The following ULK4 variants were observed in gnomAD, a reference collection of about 807,000 sequenced individuals.
The protein encoded by ULK4 is inactive serine/threonine-protein kinase ULK4.
In ULK4, 133 loss-of-function variants were observed where a neutral mutation model predicts 160.6. That is an observed-to-expected ratio of 0.83 (90% CI 0.72 to 0.96). The LOEUF (loss-of-function observed/expected upper bound fraction) is 0.96. ULK4 is among the 40% of genes least tolerant of loss of function. ULK4 has a pLI of 0.00. For missense variants in ULK4, 1,580 were observed against 1,499.5 expected, an observed-to-expected ratio of 1.05 and a Z score of -0.89; for synonymous variants, 534 against 539.8, an observed-to-expected ratio of 0.99 and a Z score of 0.15.
intron 29 of ULK4, among the ~76,000 whole-genome samples, chr3:41,675,329 C>T (rs568925778): frequency 6.6e-6 from 1 of 151,928 alleles, no homozygotes; most frequent in African/African-American, 2.4e-5. Flanking sequence ...GTGGTTCACA[C>T]CTATAATCCC....
chr3:41,382,291 T>G (rs1253204259), intron 35 of ULK4, among the ~76,000 whole-genome samples: 1 of 152,188 alleles, frequency 6.6e-6, no homozygotes, highest in Non-Finnish European at 1.5e-5. Flanking sequence ...GAACCATGTG[T>G]GCCACAGAGC....
intron 17 of ULK4, among the ~76,000 whole-genome samples, chr3:41,849,665 C>T (rs781476655): frequency 9.9e-5 from 15 of 152,074 alleles, no homozygotes; most frequent in Non-Finnish European, 1.9e-4. Context: ...AATAATGTGT[C>T]AATGTAGGTT....
chr3:41,462,120 A>G (rs974833460), intron 33 of ULK4, among the ~76,000 whole-genome samples: 1 of 152,172 alleles, frequency 6.6e-6, no homozygotes, highest in African/African-American at 2.4e-5. Flanking sequence ...GGGATCTTGG[A>G]TTTATTAAAT....
chr3:41,854,151 C>G (rs2042280306), intron 17 of ULK4: 1 of 152,164 alleles, frequency 6.6e-6, no homozygotes, highest in South Asian at 2.1e-4. Context: ...CAGTTAACAC[C>G]AACATGCCAT....
intron 32 of ULK4, among the ~76,000 whole-genome samples, chr3:41,540,779 T>C (rs1037745358): frequency 6.6e-6 from 1 of 152,174 alleles, no homozygotes; most frequent in Non-Finnish European, 1.5e-5. Flanking sequence ...TGCAGTTCTC[T>C]ATGACCAGTA....
chr3:41,305,762 C>T (rs1357268594), intron 35 of ULK4, among the ~76,000 whole-genome samples: 1 of 133,308 alleles, frequency 7.5e-6, no homozygotes, highest in Non-Finnish European at 1.5e-5. Flanking sequence ...CGCCGTCCCA[C>T]CTAGGAAGTG....
At chr3:41,289,873 ATG>A (rs1179930172) in intron 35 of ULK4, among the ~76,000 whole-genome samples, 28 of 150,250 alleles carry the variant, frequency 1.9e-4, no homozygotes, top group Admixed American at 2.6e-4. Context: ...GTATGTATGT[ATG>A]TGTGTGTGTG....
Position 41,684,729 on chromosome 3 carries a change from C to A in ULK4, c.2782-2925G>T, listed in dbSNP as rs1373195121. Among the ~76,000 whole-genome samples, 3 of 152,218 alleles carry A rather than the reference C, an allele frequency of 2.0e-5. No homozygotes were observed. The East Asian group carries it at 5.8e-4, about 29-fold the overall frequency. On this transcript the variant is annotated intron_variant, in intron 27 of 36. Coordinates refer to ENST00000301831, the MANE Select transcript of ULK4 (RefSeq NM_017886.4). Reference sequence around the variant, plus strand: ...CTCCTCTACCCCCTCTCTAGAAATACCATTTGCTTATATTATAAAAACCTG... The same window carrying A: ...CTCCTCTACCCCCTCTCTAGAAATAACATTTGCTTATATTATAAAAACCTG...
intron 20 of ULK4, among the ~76,000 whole-genome samples, chr3:41,794,509 G>A (rs1378216883): frequency 6.6e-6 from 1 of 151,314 alleles, no homozygotes; most frequent in Admixed American, 6.6e-5. Context: ...ACTAAAAATA[G>A]AAAAATTGGC....
chr3:41,911,196 A>G, intron 11 of ULK4, 121 bp downstream of exon 11: 1 of 913,308 alleles, frequency 1.1e-6, no homozygotes, highest in Non-Finnish European at 1.7e-6. Flanking sequence ...TGAAACTGGC[A>G]TTTGGCACTA....
At chr3:41,561,985 CT>C (rs1305521905) in intron 32 of ULK4, among the ~76,000 whole-genome samples, 1 of 152,132 alleles carries the variant, frequency 6.6e-6, no homozygotes, top group African/African-American at 2.4e-5. Context: ...TCTGCTTTCT[CT>C]TGTGGGCATT....
chr3:41,532,780 T>A (rs1361261117), intron 32 of ULK4, among the ~76,000 whole-genome samples: 2 of 152,186 alleles, frequency 1.3e-5, no homozygotes, highest in Non-Finnish European at 2.9e-5. Flanking sequence ...TTTTACAGAA[T>A]AAAATTTGCC....
intron 35 of ULK4, among the ~76,000 whole-genome samples, chr3:41,339,225 C>T (rs7629541): frequency 0.056 from 8,566 of 151,992 alleles, 588 homozygotes; most frequent in East Asian, 0.2. Flanking sequence ...TTCTGGTCTT[C>T]ACCCCTGTCC....
chr3:41,625,319 T>C (rs72862132), intron 30 of ULK4, among the ~76,000 whole-genome samples: 8,820 of 152,234 alleles, frequency 0.058, 856 homozygotes, highest in African/African-American at 0.2. Flanking sequence ...TTTAAGGAGA[T>C]TGCTTTAGAG....
intron 34 of ULK4, among the ~76,000 whole-genome samples, chr3:41,422,506 T>C (rs900110567): frequency 2.1e-4 from 32 of 152,188 alleles, no homozygotes; most frequent in African/African-American, 7.5e-4. Context: ...TGATAATTTA[T>C]ACTTTTCTGT....
chr3:41,325,806 C>A (rs1226674041), intron 35 of ULK4, among the ~76,000 whole-genome samples: 1 of 151,954 alleles, frequency 6.6e-6, no homozygotes, highest in Non-Finnish European at 1.5e-5. Flanking sequence ...GTAATCCCAG[C>A]TACTCAGAAG....
intron 30 of ULK4, among the ~76,000 whole-genome samples, chr3:41,661,939 G>A (rs1348001730): frequency 1.3e-5 from 2 of 152,082 alleles, no homozygotes; most frequent in Non-Finnish European, 2.9e-5. Context: ...GCTGAATAGA[G>A]TTGGCAAGAA....
intron 18 of ULK4, among the ~76,000 whole-genome samples, chr3:41,830,286 T>TA (rs1491383681): frequency 1.3e-5 from 2 of 152,016 alleles, no homozygotes; most frequent in Admixed American, 1.3e-4. Flanking sequence ...CCCTAAAACT[T>TA]AAAGTATAAT....
At chr3:41,349,166 A>T (rs2080863163) in intron 35 of ULK4, among the ~76,000 whole-genome samples, 1 of 152,176 alleles carries the variant, frequency 6.6e-6, no homozygotes, top group African/African-American at 2.4e-5. Context: ...CTGAACTCCT[A>T]CTGAATTCAC....
Sources: allele counts gnomAD v4.1 joint callset (sites outside exome capture counted in the v4.1 genomes callset), GRCh38; gene constraint gnomAD v4.1.1; transcripts MANE v1.5; gene names NCBI Gene and HGNC (gene_info 2026-07-23, HGNC 2026-07-21).